Variants in SUMF1 observed in about 807,000 individuals in gnomAD.
The protein encoded by SUMF1 is sulfatase modifying factor 1, also known as formylglycine-generating enzyme.
A neutral mutation model predicts 47.6 loss-of-function variants in SUMF1; 48 were observed. That is an observed-to-expected ratio of 1.01 (90% confidence interval 0.80 to 1.28). The LOEUF is 1.28. Ranked by LOEUF, SUMF1 falls within the 50% of genes most tolerant of loss-of-function variation. The pLI, the probability that SUMF1 is intolerant of heterozygous loss-of-function variation, is 0.00. For synonymous variants in SUMF1, 230 were observed against 192.1 expected, an observed-to-expected ratio of 1.20 and a Z score of -1.63; for missense variants, 571 against 485.4, an observed-to-expected ratio of 1.18 and a Z score of -1.66.
chr3:4,261,049 A>G (rs1697075376), intron 8 of SUMF1, among the ~76,000 whole-genome samples: 2 of 152,200 alleles, frequency 1.3e-5, no homozygotes, highest in Admixed American at 1.3e-4. Context: ...TGTTACACCA[A>G]CAATAACTAA....
rs139806094 is a variant in SUMF1, at chr3:4,423,402, G to A, written c.520-3256C>T. Among the ~76,000 whole-genome samples, 287 of 152,056 alleles carry A rather than the reference G, an allele frequency of 1.9e-3. 1 individual carries two copies. Among genetic ancestry groups the A allele is most frequent in the Non-Finnish European group, 3.3e-3 (226 of 67,992 alleles). On this transcript the variant is annotated intron_variant, in intron 3 of 8. Transcript: ENST00000272902. ...ATTGGAGCCTACCCCTTTTTCAAAG[G>A]GGAGCTTTCCCTCAAGTCAGTTTAT...
intron 8 of SUMF1, chr3:4,313,530 A>T (rs1379992504): frequency 6.2e-7 from 1 of 1,613,930 alleles, no homozygotes; most frequent in Non-Finnish European, 8.5e-7. Context: ...ATGATTATTC[A>T]GGAAGATATC....
At chr3:4,406,878 T>G (rs1701392726) in intron 7 of SUMF1, among the ~76,000 whole-genome samples, 1 of 152,190 alleles carries the variant, frequency 6.6e-6, no homozygotes. Flanking sequence ...ACATATTTCT[T>G]TAACTGAAAG....
At chr3:4,141,658 G>A (rs945255732) in intron 8 of SUMF1, among the ~76,000 whole-genome samples, 1 of 151,972 alleles carries the variant, frequency 6.6e-6, no homozygotes, top group African/African-American at 2.4e-5. Context: ...GCAAGATCCT[G>A]CTTCAAAGCC....
intron 8 of SUMF1, among the ~76,000 whole-genome samples, chr3:4,222,299 A>G (rs1434608817): frequency 6.6e-6 from 1 of 152,064 alleles, no homozygotes; most frequent in Non-Finnish European, 1.5e-5. Flanking sequence ...GGCCAGCACC[A>G]TACTGTGATC....
intron 8 of SUMF1, among the ~76,000 whole-genome samples, chr3:4,223,025 AC>A (rs1429500335): frequency 2.0e-5 from 3 of 152,130 alleles, no homozygotes; most frequent in Non-Finnish European, 2.9e-5. Context: ...GGAAACTTCC[AC>A]GTTTTTCTCT....
rs548495297 is a variant in SUMF1, at chr3:4,448,542, AC to A, written c.519+723del. 4.8e-3 allele frequency among the ~76,000 whole-genome samples: 729 copies of A among 152,068 alleles called. 2 individuals are homozygous for A. Among genetic ancestry groups the A allele is most frequent in the African/African-American group, 0.017 (704 of 41,456 alleles). ...TTGTGAACCCTCAACTTCCCAGCTT[AC>A]CCTCACTCCTTCCCTTGTTCTTATA... is the stretch of plus-strand genomic sequence containing the variant. On this transcript the variant is annotated intron_variant, in intron 3 of 8. Transcript: ENST00000272902.
intron 8 of SUMF1, among the ~76,000 whole-genome samples, chr3:4,282,615 A>G (rs1697552296): frequency 6.6e-6 from 1 of 152,220 alleles, no homozygotes; most frequent in South Asian, 2.1e-4. Flanking sequence ...TGGCACTTTC[A>G]GTGAAAATAA....
intron 8 of SUMF1, among the ~76,000 whole-genome samples, chr3:4,239,703 A>T (rs1023192984): frequency 6.6e-6 from 1 of 152,218 alleles, no homozygotes; most frequent in Non-Finnish European, 1.5e-5. Context: ...ATATACAATC[A>T]TATCATCTGC....
intron 8 of SUMF1, among the ~76,000 whole-genome samples, chr3:4,346,685 G>A (rs1011124426): frequency 6.6e-6 from 1 of 151,666 alleles, no homozygotes; most frequent in African/African-American, 2.4e-5. Context: ...GATCAGAGAA[G>A]AACTGAAGAT....
intron 8 of SUMF1, among the ~76,000 whole-genome samples, chr3:4,085,933 C>G (rs1692662620): frequency 6.6e-6 from 1 of 152,038 alleles, no homozygotes; most frequent in Non-Finnish European, 1.5e-5. Flanking sequence ...AACAAATACT[C>G]AAACCACCTA....
chr3:4,275,756 G>T (rs1270240011), intron 8 of SUMF1, among the ~76,000 whole-genome samples: 1 of 152,086 alleles, frequency 6.6e-6, no homozygotes, highest in African/African-American at 2.4e-5. Flanking sequence ...TAGTTGAGTA[G>T]GTAACCTACA....
intron 8 of SUMF1, among the ~76,000 whole-genome samples, chr3:4,161,922 A>T (rs1354350625): frequency 6.6e-6 from 1 of 151,856 alleles, no homozygotes; most frequent in Non-Finnish European, 1.5e-5. Flanking sequence ...GTCACACTGG[A>T]AGCCAGCACA....
Position 4,122,782 on chromosome 3 carries a change from G to C in SUMF1, c.1015-54037C>G, listed in dbSNP as rs528947638. On this transcript the variant is annotated intron_variant and NMD_transcript_variant, in intron 8 of 12. Transcript: ENST00000448413. ...GGAGAGAAGCCAAAAGGTTGAAAGG[G>C]AAAACTGCCTTCAAAGCAGAGGAGT... Among the ~76,000 whole-genome samples, 18 of 152,270 alleles carry C rather than the reference G, an allele frequency of 1.2e-4. No individual in the cohort carries two copies. In the South Asian group the frequency reaches 3.1e-3, roughly 26 times the overall value.
At chr3:4,369,104 T>C (rs1005585384) in intron 8 of SUMF1, among the ~76,000 whole-genome samples, 2 of 152,136 alleles carry the variant, frequency 1.3e-5, no homozygotes, top group African/African-American at 2.4e-5. Flanking sequence ...ATGCTTCTTG[T>C]CTTTGTGAAA....
intron 8 of SUMF1, among the ~76,000 whole-genome samples, chr3:4,139,021 G>A (rs1211404653): frequency 2.0e-5 from 3 of 152,022 alleles, no homozygotes; most frequent in Non-Finnish European, 2.9e-5. Context: ...CAACCATGCG[G>A]AAAGTATATC....
intron 8 of SUMF1, among the ~76,000 whole-genome samples, chr3:4,144,953 A>C (rs974182582): frequency 1.3e-5 from 2 of 152,084 alleles, no homozygotes; most frequent in Non-Finnish European, 2.9e-5. Context: ...TAATCCCAGC[A>C]CTTTGGGAGG....
chr3:4,292,819 C>T (rs141083103), intron 8 of SUMF1, among the ~76,000 whole-genome samples: 2,141 of 152,246 alleles, frequency 0.014, 21 homozygotes, highest in Non-Finnish European at 0.022. Flanking sequence ...TGGGGGAAAA[C>T]TTTACCTAAT....
chr3:4,205,363 C>T (rs186066590), intron 8 of SUMF1, among the ~76,000 whole-genome samples: 205 of 152,232 alleles, frequency 1.3e-3, no homozygotes, highest in Non-Finnish European at 2.4e-3. Context: ...GGACTCAGCC[C>T]GCCTGCACCC....
Sources: gnomAD v4.1 joint callset for allele counts (sites outside exome capture counted in the v4.1 genomes callset) on GRCh38, gnomAD v4.1.1 for gene constraint, MANE v1.5 for transcripts, NCBI Gene and HGNC (gene_info 2026-07-23, HGNC 2026-07-21) for gene names.